The following THSD7B variants were observed in gnomAD, a reference collection of about 807,000 sequenced individuals.
The protein encoded by THSD7B is thrombospondin type 1 domain containing 7B.
In THSD7B, 138 loss-of-function variants were observed where a neutral mutation model predicts 213.6. That is an observed-to-expected ratio of 0.65 (90% CI 0.56 to 0.74). The LOEUF is 0.74. THSD7B is among the 30% of genes least tolerant of loss of function. THSD7B has a pLI of 0.00. For synonymous variants in THSD7B, 742 were observed against 687.0 expected, an observed-to-expected ratio of 1.08 and a Z score of -1.25; for missense variants, 1,931 against 1,991.5, an observed-to-expected ratio of 0.97 and a Z score of 0.58.
At position 137,563,338 on chromosome 2, in the gene THSD7B, C is replaced by A; in HGVS notation, c.3256C>A (p.Gln1086Lys). The A allele has an allele frequency of 1.2e-6, 2 of 1,612,960 alleles. No individual in the cohort carries two copies. The highest frequency in any genetic ancestry group is 1.7e-6 in the Non-Finnish European group (2 of 1,179,418). Residue 1086 changes from glutamine to lysine, a missense_variant, in exon 16 of 28, where the codon CAA (glutamine) becomes AAA (lysine). Transcript: ENST00000409968. ...LRSLRCGGGT[Q>K]SRKIRCVNTA... ...GTCCCTGCGCTGTGGAGGAGGAACA[C>A]AATCTAGGAAAATCAGGTGTGTGAA... is the stretch of plus-strand genomic sequence containing the variant.
intron 1 of THSD7B, among the ~76,000 whole-genome samples, chr2:136,864,791 A>T (rs577888015): frequency 3.9e-5 from 6 of 152,252 alleles, no homozygotes; most frequent in African/African-American, 1.4e-4. Flanking sequence ...TGACCTCATT[A>T]TCCGCCCACC....
intron 10 of THSD7B, among the ~76,000 whole-genome samples, chr2:137,242,986 A>G (rs527384295): frequency 2.4e-4 from 36 of 152,348 alleles, no homozygotes; most frequent in African/African-American, 8.2e-4. Context: ...TCACTGATTA[A>G]TATAAGTACA....
At chr2:137,358,208 A>G (rs995418651) in intron 12 of THSD7B, among the ~76,000 whole-genome samples, 4 of 152,202 alleles carry the variant, frequency 2.6e-5, no homozygotes, top group African/African-American at 9.6e-5. Context: ...TTGTCTACAA[A>G]CCATTCTAAG....
At chr2:137,552,833 G>A (rs1376002988) in intron 15 of THSD7B, among the ~76,000 whole-genome samples, 1 of 152,198 alleles carries the variant, frequency 6.6e-6, no homozygotes, top group African/African-American at 2.4e-5. Flanking sequence ...GGGTCAGAAT[G>A]TGGTAAATTG....
At chr2:137,170,349 G>A (rs923560176) in intron 6 of THSD7B, among the ~76,000 whole-genome samples, 14 of 152,226 alleles carry the variant, frequency 9.2e-5, no homozygotes, top group South Asian at 6.2e-4. Flanking sequence ...TATTTTAACC[G>A]AATGCAGCGT....
intron 1 of THSD7B, among the ~76,000 whole-genome samples, chr2:136,866,816 T>G (rs1683341760): frequency 6.6e-6 from 1 of 152,206 alleles, no homozygotes; most frequent in Admixed American, 6.5e-5. Flanking sequence ...GTTGATGGGA[T>G]GAATAGAAGA....
chr2:137,385,814 T>G (rs72977650), intron 12 of THSD7B, among the ~76,000 whole-genome samples: 13,494 of 152,218 alleles, frequency 0.089, 840 homozygotes, highest in African/African-American at 0.18. Flanking sequence ...TAATGAAATC[T>G]TGGTTTCAAA....
At chr2:137,093,691 C>T (rs980990233) in intron 3 of THSD7B, among the ~76,000 whole-genome samples, 3 of 152,172 alleles carry the variant, frequency 2.0e-5, no homozygotes, top group Non-Finnish European at 4.4e-5. Flanking sequence ...ATCACTGCCT[C>T]TTCAGTGTTT....
At chr2:136,993,187 A>T (rs890227416) in intron 2 of THSD7B, among the ~76,000 whole-genome samples, 4 of 152,222 alleles carry the variant, frequency 2.6e-5, no homozygotes, top group African/African-American at 9.6e-5. Flanking sequence ...TTGGATGTAT[A>T]TGAGAACAAA....
chr2:137,394,785 T>A (rs546573876), intron 12 of THSD7B, among the ~76,000 whole-genome samples: 2,230 of 137,074 alleles, frequency 0.016, 114 homozygotes, highest in South Asian at 0.047. Flanking sequence ...TGATTCTTCC[T>A]ACCCATGAGC....
At chr2:137,256,397 G>A (rs1393936126) in intron 10 of THSD7B, among the ~76,000 whole-genome samples, 1 of 152,162 alleles carries the variant, frequency 6.6e-6, no homozygotes, top group Non-Finnish European at 1.5e-5. Flanking sequence ...TGATTGGGGA[G>A]GTGAGACTTA....
At chr2:137,118,459 T>C (rs1688483648) in intron 5 of THSD7B, among the ~76,000 whole-genome samples, 1 of 152,162 alleles carries the variant, frequency 6.6e-6, no homozygotes, top group Non-Finnish European at 1.5e-5. Context: ...ATGTCATATA[T>C]TGGTATATGG....
At chr2:137,400,404 C>T (rs1298330304) in intron 12 of THSD7B, among the ~76,000 whole-genome samples, 2 of 151,686 alleles carry the variant, frequency 1.3e-5, no homozygotes, top group African/African-American at 2.4e-5. Context: ...AGCACTTTTT[C>T]CTGAAGATAT....
At chr2:137,363,483 A>G (rs1685322400) in intron 12 of THSD7B, among the ~76,000 whole-genome samples, 1 of 152,160 alleles carries the variant, frequency 6.6e-6, no homozygotes, top group Non-Finnish European at 1.5e-5. Context: ...AAATTGATAG[A>G]CTGCTAGCAA....
chr2:137,275,853 C>CAT, intron 11 of THSD7B, 70 bp from the exon 12 acceptor site: 1 of 1,165,826 alleles, frequency 8.6e-7, no homozygotes. Flanking sequence ...AAACTTCAAA[C>CAT]ATATGTAAGT....
intron 17 of THSD7B, among the ~76,000 whole-genome samples, chr2:137,581,551 C>T (rs1035337462): frequency 2.0e-5 from 3 of 152,032 alleles, no homozygotes; most frequent in African/African-American, 7.2e-5. Flanking sequence ...GTGGAGGCTG[C>T]AGTGAGCTGA....
intron 15 of THSD7B, among the ~76,000 whole-genome samples, chr2:137,551,625 T>G (rs1680849911): frequency 6.6e-6 from 1 of 152,210 alleles, no homozygotes. Context: ...TTCAAAAATT[T>G]ATTTATCAAT....
At chr2:136,927,048 A>AT (rs965358894) in intron 2 of THSD7B, among the ~76,000 whole-genome samples, 6 of 152,274 alleles carry the variant, frequency 3.9e-5, no homozygotes, top group Non-Finnish European at 7.4e-5. Context: ...ATAAAATATG[A>AT]TTTTTTTGTA....
chr2:137,054,421 A>T (rs1226366930), intron 2 of THSD7B, among the ~76,000 whole-genome samples: 6 of 152,228 alleles, frequency 3.9e-5, no homozygotes, highest in Non-Finnish European at 7.3e-5. Context: ...TGTGAGGAAG[A>T]ATTGAGATGA....
Sources: allele counts gnomAD v4.1 joint callset (sites outside exome capture counted in the v4.1 genomes callset), GRCh38; gene constraint gnomAD v4.1.1; transcripts MANE v1.5; gene names NCBI Gene and HGNC (gene_info 2026-07-23, HGNC 2026-07-21).